The following UNC80 variants were observed in gnomAD, a reference collection of about 807,000 sequenced individuals.
UNC80 encodes protein unc-80 homolog.
In UNC80, 164 loss-of-function variants were observed where a neutral mutation model predicts 384.6. The ratio of observed to expected loss-of-function variants is 0.43; its 90% CI spans 0.38 to 0.49. The LOEUF is 0.49. Among genes scored for constraint, UNC80 ranks in the 20% least tolerant of loss-of-function variants. UNC80 has a pLI of 0.00. For missense variants in UNC80, 3,330 were observed against 4,143.0 expected (o/e 0.80, Z 5.39); for synonymous variants, 1,486 against 1,527.8 (o/e 0.97, Z 0.64).
intron 20 of UNC80, among the ~76,000 whole-genome samples, chr2:209,841,291 C>A (rs905756452): frequency 1.3e-5 from 2 of 152,158 alleles, no homozygotes; most frequent in African/African-American, 4.8e-5. Flanking sequence ...TTTCTAATCT[C>A]ACTAAAACCA....
At chr2:209,959,245 T>C (rs918555271) in intron 50 of UNC80, 91 bp downstream of exon 50, 11 of 1,414,344 alleles carry the variant, frequency 7.8e-6, no homozygotes, top group Admixed American at 3.9e-5. Flanking sequence ...TAGATTTCAT[T>C]TGATGCATAA....
At chr2:209,878,329 T>C (rs536928595) in intron 24 of UNC80, among the ~76,000 whole-genome samples, 2 of 152,158 alleles carry the variant, frequency 1.3e-5, no homozygotes, top group Non-Finnish European at 2.9e-5. Context: ...GATGGAACAT[T>C]TATTCTTTTC....
intron 52 of UNC80, chr2:209,968,468 A>C (rs1174583151): frequency 6.6e-6 from 1 of 152,156 alleles, no homozygotes; most frequent in Non-Finnish European, 1.5e-5. Context: ...ATTAGTCCAT[A>C]ATCTCCTTCA....
At position 209,952,568 on chromosome 2, in the gene UNC80, C is replaced by A. The variant is rs188271684; in HGVS notation, c.7287-1532C>A. Among the ~76,000 whole-genome samples the A allele has an allele frequency of 5.3e-3, 807 of 152,262 alleles. 5 individuals carry two copies. Among genetic ancestry groups the A allele is most frequent in the Non-Finnish European group, 8.1e-3 (554 of 68,016 alleles). On this transcript the variant is annotated intron_variant, in intron 47 of 64. Coordinates refer to ENST00000673920, the MANE Select transcript of UNC80 (RefSeq NM_001371986.1). ...GCTGACATTTCTGCTTGGATTTCTC[C>A]TTAGCCTTTTGGCCCTAAGCAATTT...
chr2:209,813,968 C>A, intron 8 of UNC80, 127 bp downstream of exon 8: 1 of 1,152,540 alleles, frequency 8.7e-7, no homozygotes, highest in Admixed American at 2.9e-5. Flanking sequence ...TACACTGTTT[C>A]TATTATCTTT....
chr2:209,948,569 TTTAA>T (rs1291929662), intron 47 of UNC80, among the ~76,000 whole-genome samples: 2 of 152,210 alleles, frequency 1.3e-5, no homozygotes, highest in Non-Finnish European at 1.5e-5. Context: ...GTGTTTTCTA[TTTAA>T]TTAATTATGT....
chr2:209,893,164 G>A (rs2086508961), intron 26 of UNC80, among the ~76,000 whole-genome samples: 1 of 152,130 alleles, frequency 6.6e-6, no homozygotes, highest in Non-Finnish European at 1.5e-5. Context: ...TTCTGATTGG[G>A]AATTTTAAAA....
At chr2:209,898,467 T>C (rs1444794628) in intron 28 of UNC80, among the ~76,000 whole-genome samples, 1 of 152,108 alleles carries the variant, frequency 6.6e-6, no homozygotes, top group African/African-American at 2.4e-5. Context: ...TGATCACAGA[T>C]TTTTTAAAAA....
chr2:209,829,850 T>C (rs1210996244), intron 15 of UNC80, among the ~76,000 whole-genome samples: 2 of 152,224 alleles, frequency 1.3e-5, no homozygotes, highest in African/African-American at 4.8e-5. Flanking sequence ...AACATAGTAG[T>C]AACACAATTT....
intron 7 of UNC80, among the ~76,000 whole-genome samples, chr2:209,804,841 C>T (rs2078792940): frequency 6.6e-6 from 1 of 151,242 alleles, no homozygotes; most frequent in Admixed American, 6.6e-5. Context: ...TCTCGGCTCA[C>T]TGCAAGCTCC....
chr2:209,954,174 T>C lies in UNC80; in HGVS notation c.7361T>C (p.Val2454Ala). ...AAGCTAAAGAGGCAGACATCACAGG[T>C]GGAGACAGTACCTGCTGCCCGAGAG... ...LQKLKRQTSQ[V>A]ETVPAAREEI... The change falls in exon 48 of 65, where the codon GTG becomes GCG. Residue 2454 changes from valine to alanine, a missense_variant. Physicochemically the swap from Val to Ala is moderately conservative, Grantham distance 64. This residue lies in a region of UNC80 where 1,049 missense variants were observed against 1,488.6 expected (regional missense o/e 0.70). Coordinates refer to ENST00000673920, the MANE Select transcript of UNC80 (RefSeq NM_001371986.1). The C allele has an allele frequency of 6.4e-7, 1 of 1,551,204 alleles. No individual in the cohort carries two copies.
At chr2:209,881,153 G>A (rs1429434770) in intron 25 of UNC80, 59 bp downstream of exon 25, 1 of 1,500,652 alleles carries the variant, frequency 6.7e-7, no homozygotes, top group African/African-American at 1.4e-5. Flanking sequence ...GCGTGTGTCT[G>A]GGTTTCCAAG....
chr2:209,959,238 AT>A (rs2092513230), intron 50 of UNC80, 84 bp downstream of exon 50: 2 of 1,430,312 alleles, frequency 1.4e-6, no homozygotes, highest in South Asian at 2.5e-5. Context: ...GCTCTATTAG[AT>A]TTCATTTGAT....
intron 28 of UNC80, among the ~76,000 whole-genome samples, chr2:209,904,425 A>G (rs973233954): frequency 1.3e-5 from 2 of 152,240 alleles, no homozygotes; most frequent in East Asian, 3.8e-4. Flanking sequence ...TTCCTTCCCC[A>G]ATATAAGAGC....
At chr2:209,960,190 G>C (rs929755383) in intron 51 of UNC80, among the ~76,000 whole-genome samples, 3 of 152,100 alleles carry the variant, frequency 2.0e-5, no homozygotes. Context: ...ACTTGGCTTG[G>C]GCCTGAAATC....
At chr2:209,919,289 G>C (rs2089837980) in intron 33 of UNC80, among the ~76,000 whole-genome samples, 1 of 152,082 alleles carries the variant, frequency 6.6e-6, no homozygotes, top group Admixed American at 6.6e-5. Flanking sequence ...AATTACAAGA[G>C]TAATGTAGAA....
chr2:209,820,418 C>G lies in UNC80; in HGVS notation c.2070C>G (p.Pro690=). 1 of 1,551,662 alleles carries G rather than the reference C, an allele frequency of 6.4e-7. No individual in the cohort carries two copies. The highest frequency in any genetic ancestry group is 1.2e-5 in the South Asian group (1 of 84,032). ...VECLLQLGVV[P]CVEKNRKKSE... The stretch of plus-strand genomic sequence containing the variant: ...GCTTGCTTCAACTTGGTGTGGTGCC[C>G]TGTGTAGAAAAGAATAGAAAGAAGA... The change falls in exon 13 of 65, where the codon CCC becomes CCG. Residue 690 remains proline, a synonymous_variant. Coordinates refer to ENST00000673920, the MANE Select transcript of UNC80 (RefSeq NM_001371986.1).
chr2:209,921,788 C>T, intron 34 of UNC80, 102 bp downstream of exon 34: 1 of 1,270,066 alleles, frequency 7.9e-7, no homozygotes, highest in Non-Finnish European at 1.1e-6. Flanking sequence ...GTGATATGCC[C>T]CCTTCCATCT....
In UNC80 at chr2:209,940,586, G is replaced by C. The variant is rs188022295; in HGVS notation, c.6647-635G>C. ...CCCAGGCCTTTGGGAGGCCCAGGGA[G>C]GCAGATCACTTGAGGTCAGGAGTTT... is the stretch of plus-strand genomic sequence containing the variant. On this transcript the variant is annotated intron_variant, in intron 43 of 64. Transcript: ENST00000673920. 5.6e-3 allele frequency among the ~76,000 whole-genome samples: 858 copies of C among 152,240 alleles called. 6 individuals carry two copies. Among genetic ancestry groups the C allele is most frequent in the African/African-American group, 0.019 (806 of 41,528 alleles).
Sources: gnomAD v4.1 joint callset for allele counts (sites outside exome capture counted in the v4.1 genomes callset) on GRCh38, gnomAD v4.1.1 for gene constraint, gnomAD v4.1.1 regional missense constraint, MANE v1.5 for transcripts, NCBI Gene and HGNC (gene_info 2026-07-23, HGNC 2026-07-21) for gene names.